The following PRKCE variants were observed in gnomAD, a reference collection of about 807,000 sequenced individuals.
PRKCE encodes protein kinase C epsilon type.
A neutral mutation model predicts 85.4 loss-of-function variants in PRKCE; 16 were observed. The ratio of observed to expected loss-of-function variants is 0.19; its 90% confidence interval spans 0.13 to 0.28. PRKCE has a LOEUF of 0.28. PRKCE is among the 10% of genes least tolerant of loss of function. PRKCE has a pLI of 1.00. For missense variants in PRKCE, 573 were observed against 975.2 expected (o/e 0.59, Z 5.49); for synonymous variants, 388 against 371.5 (o/e 1.04, Z -0.51).
intron 10 of PRKCE, among the ~76,000 whole-genome samples, chr2:46,028,305 T>G (rs1056276788): frequency 1.3e-5 from 2 of 152,112 alleles, no homozygotes; most frequent in African/African-American, 4.8e-5. Flanking sequence ...CAGCTCTGAG[T>G]TGGGGGGTAA....
intron 1 of PRKCE, among the ~76,000 whole-genome samples, chr2:45,762,706 T>C (rs1684605634): frequency 6.6e-6 from 1 of 152,220 alleles, no homozygotes; most frequent in Admixed American, 6.5e-5. Flanking sequence ...CTATTATTTA[T>C]TGAGTACTTA....
At position 45,952,762 on chromosome 2, in the gene PRKCE, G is replaced by A. The variant is rs189383267; in HGVS notation, c.413-23667G>A. Among the ~76,000 whole-genome samples the A allele has an allele frequency of 2.0e-5, 3 of 152,268 alleles. No individual in the cohort carries two copies. The East Asian group carries it at 5.8e-4, about 29-fold the overall frequency. ...AGGGCCATTGACATGCAGCTTTCCA[G>A]GAACACAACTTTTTATAGAAAAAGT... On this transcript the variant is annotated intron_variant, in intron 2 of 14. Transcript: ENST00000306156.
chr2:45,739,570 A>T (rs575489995), intron 1 of PRKCE, among the ~76,000 whole-genome samples: 35 of 152,286 alleles, frequency 2.3e-4, no homozygotes, highest in African/African-American at 8.4e-4. Flanking sequence ...TATAAAAAAA[A>T]TTATGTTCAG....
intron 14 of PRKCE, among the ~76,000 whole-genome samples, chr2:46,183,423 G>T (rs1351896753): frequency 6.6e-6 from 1 of 152,210 alleles, no homozygotes; most frequent in Non-Finnish European, 1.5e-5. Flanking sequence ...AAATAATAAT[G>T]TGAATCTTTC....
chr2:45,732,502 G>GA (rs1306912251), intron 1 of PRKCE, among the ~76,000 whole-genome samples: 1 of 151,656 alleles, frequency 6.6e-6, no homozygotes, highest in Non-Finnish European at 1.5e-5. Context: ...CCACCTTTTT[G>GA]AAAAAAGGTT....
chr2:45,755,110 C>G (rs1683895137), intron 1 of PRKCE, among the ~76,000 whole-genome samples: 1 of 152,146 alleles, frequency 6.6e-6, no homozygotes, highest in Non-Finnish European at 1.5e-5. Context: ...CACAGCAGTC[C>G]TCTCTGCTGC....
Position 46,118,459 on chromosome 2 carries a change from T to G in PRKCE, c.1593-26634T>G, listed in dbSNP as rs183575887. Among the ~76,000 whole-genome samples, 12 of 152,326 alleles carry G rather than the reference T, an allele frequency of 7.9e-5. No individual in the cohort carries two copies. In the East Asian group the frequency reaches 2.3e-3, roughly 29 times the overall value. On this transcript the variant is annotated intron_variant, in intron 11 of 14. Transcript: ENST00000306156. ...GTGGCTGTGAAAACACTGCATTGGC[T>G]GCAAAAATCAGTGTGATCTGGTATC...
At chr2:45,985,499 C>A (rs1455250656) in intron 6 of PRKCE, among the ~76,000 whole-genome samples, 1 of 152,036 alleles carries the variant, frequency 6.6e-6, no homozygotes, top group Non-Finnish European at 1.5e-5. Flanking sequence ...TAGTGTTTTA[C>A]TGTTTGTGTG....
At chr2:46,056,435 C>T (rs1218958212) in intron 10 of PRKCE, among the ~76,000 whole-genome samples, 2 of 152,168 alleles carry the variant, frequency 1.3e-5, no homozygotes, top group East Asian at 1.9e-4. Context: ...GTTTTCCTAA[C>T]AGGGGCTTTC....
chr2:46,088,453 T>C (rs1392578295), intron 11 of PRKCE, among the ~76,000 whole-genome samples: 2 of 152,226 alleles, frequency 1.3e-5, no homozygotes, highest in Non-Finnish European at 2.9e-5. Context: ...CTTTCATTGC[T>C]GCACCTGCCC....
At position 45,756,983 on chromosome 2, in the gene PRKCE, G is replaced by A. The variant is rs1394227145; in HGVS notation, c.349-86017G>A. ...AAAGAGTGTTCAGCTGGGCGTGGTG[G>A]CTCATGCCTCTAATCCCAGCACTTT... On this transcript the variant is annotated intron_variant, in intron 1 of 14. Transcript: ENST00000306156. Among the ~76,000 whole-genome samples, 9 of 152,144 alleles carry A rather than the reference G, an allele frequency of 5.9e-5. No individual in the cohort carries two copies. The South Asian group carries it at 6.2e-4, about 11-fold the overall frequency.
chr2:46,059,543 C>A (rs1039622954), intron 10 of PRKCE, among the ~76,000 whole-genome samples: 1 of 152,148 alleles, frequency 6.6e-6, no homozygotes, highest in African/African-American at 2.4e-5. Flanking sequence ...AAACTCAGGC[C>A]ATTAGGATTT....
chr2:46,058,819 C>T (rs987980178), intron 10 of PRKCE, among the ~76,000 whole-genome samples: 2 of 152,188 alleles, frequency 1.3e-5, no homozygotes, highest in Non-Finnish European at 2.9e-5. Flanking sequence ...GCTTAGCTTC[C>T]TAAGGAACTG....
chr2:45,959,012 G>C (rs1701203614), intron 2 of PRKCE, among the ~76,000 whole-genome samples: 1 of 150,990 alleles, frequency 6.6e-6, no homozygotes, highest in Non-Finnish European at 1.5e-5. Flanking sequence ...CAGGCTGACA[G>C]GTTAAGAGTC....
intron 10 of PRKCE, among the ~76,000 whole-genome samples, chr2:46,042,298 C>T (rs1478574140): frequency 6.6e-6 from 1 of 152,174 alleles, no homozygotes; most frequent in East Asian, 1.9e-4. Context: ...CCCCCAGCGT[C>T]CTAGTCTCAG....
intron 1 of PRKCE, among the ~76,000 whole-genome samples, chr2:45,738,178 A>T (rs1013876277): frequency 6.6e-6 from 1 of 152,206 alleles, no homozygotes; most frequent in Admixed American, 6.5e-5. Flanking sequence ...AGTTTTAATT[A>T]TGTTAATTAA....
At chr2:45,666,922 C>G (rs1374381666) in intron 1 of PRKCE, among the ~76,000 whole-genome samples, 2 of 152,150 alleles carry the variant, frequency 1.3e-5, no homozygotes, top group Non-Finnish European at 2.9e-5. Context: ...CTCACTGCAA[C>G]CTTGAACTCA....
intron 10 of PRKCE, among the ~76,000 whole-genome samples, chr2:46,031,293 C>T (rs1028456863): frequency 2.0e-5 from 3 of 152,150 alleles, no homozygotes; most frequent in Non-Finnish European, 4.4e-5. Context: ...GATCTCACTG[C>T]CCGCTTTCTG....
intron 1 of PRKCE, among the ~76,000 whole-genome samples, chr2:45,658,345 A>G (rs1311559389): frequency 1.3e-5 from 2 of 152,234 alleles, no homozygotes; most frequent in Non-Finnish European, 2.9e-5. Flanking sequence ...TTGGGTCCCT[A>G]GAGTTAAGGA....
Sources: allele counts gnomAD v4.1 joint callset (sites outside exome capture counted in the v4.1 genomes callset), GRCh38; gene constraint gnomAD v4.1.1; transcripts MANE v1.5; gene names NCBI Gene and HGNC (gene_info 2026-07-23, HGNC 2026-07-21).